The following DBH variants were observed in gnomAD, a reference collection of about 807,000 sequenced individuals.
DBH encodes dopamine beta-hydroxylase.
A neutral mutation model predicts 64.0 loss-of-function variants in DBH; 49 were observed. The ratio of observed to expected loss-of-function variants is 0.77; its 90% CI spans 0.61 to 0.97. DBH has a LOEUF of 0.97. Ranked by LOEUF, DBH falls within the 50% of genes least tolerant of loss-of-function variation. The pLI is 0.00. For synonymous variants in DBH, 343 were observed against 347.1 expected, an observed-to-expected ratio of 0.99 and a Z score of 0.13; for missense variants, 828 against 826.6, an observed-to-expected ratio of 1.00 and a Z score of -0.02.
Position 133,636,588 on chromosome 9 carries a change from C to A in DBH, c.217C>A (p.His73Asn). ...WNVSYTQEAI[H>N]FQLLVRRLKA... is the part of the protein sequence containing the mutation. ...TGTCAGCTACACCCAGGAGGCCATC[C>A]ATTTCCAGCTCCTGGTGCGGAGGCT... The change falls in exon 1 of 12, where the codon CAT (histidine) becomes AAT (asparagine). Residue 73 changes from histidine to asparagine, a missense_variant. Coordinates refer to ENST00000393056, the MANE Select transcript of DBH (RefSeq NM_000787.4). The A allele has an allele frequency of 1.2e-6, 2 of 1,613,816 alleles. No homozygotes were observed. Among genetic ancestry groups the A allele is most frequent in the Non-Finnish European group, 1.7e-6 (2 of 1,180,018 alleles).
intron 5 of DBH, among the ~76,000 whole-genome samples, chr9:133,645,581 A>G (rs1307430019): frequency 6.6e-6 from 1 of 152,068 alleles, no homozygotes; most frequent in Non-Finnish European, 1.5e-5. Flanking sequence ...CAATTGCAAC[A>G]CCCTTTTTAT....
In DBH at chr9:133,643,281, A is replaced by G. The variant is rs1832138704; in HGVS notation, c.745-132A>G. On this transcript the variant is annotated intron_variant, in intron 3 of 11. Coordinates refer to ENST00000393056, the MANE Select transcript of DBH (RefSeq NM_000787.4). This position sits in a 1 kb window ranked among gnomAD's most constrained non-coding sequence, Gnocchi z 5.3. ...CCACCCTCAAGGCTGTGAACCCCAG[A>G]AGTGCCCCTGAAATTGTCTGGATCA... The G allele has an allele frequency of 1.1e-6, 1 of 933,362 alleles. No individual in the cohort carries two copies. The highest frequency in any genetic ancestry group is 1.7e-6 in the Non-Finnish European group (1 of 593,112). The allele number at this position is 933,362 out of a possible 1,614,324, so 57.8% of individuals were successfully genotyped here. A position where few individuals can be genotyped will look rare whatever the true frequency, so the allele number is the denominator to read the frequency against.
In DBH at chr9:133,636,587, C is replaced by T. The variant is rs1428258733; in HGVS notation, c.216C>T (p.Ile72=). 6.2e-7 allele frequency: 1 copy of T among 1,613,786 alleles called. No individual in the cohort carries two copies. The highest frequency in any genetic ancestry group is 1.7e-5 in the Admixed American group (1 of 60,024). The part of the protein sequence containing the change: ...SWNVSYTQEA[I]HFQLLVRRLK... The stretch of plus-strand genomic sequence containing the variant: ...ATGTCAGCTACACCCAGGAGGCCAT[C>T]CATTTCCAGCTCCTGGTGCGGAGGC... Residue 72 remains isoleucine (I), a synonymous_variant, in exon 1 of 12, where the codon ATC becomes ATT. Coordinates refer to ENST00000393056, the MANE Select transcript of DBH (RefSeq NM_000787.4).
At chr9:133,647,617 T>C (rs550988870) in intron 5 of DBH, among the ~76,000 whole-genome samples, 2 of 152,306 alleles carry the variant, frequency 1.3e-5, no homozygotes, top group African/African-American at 4.8e-5. Flanking sequence ...TTCTTCCCAG[T>C]GAGTGTAGCC....
At chr9:133,656,136 A>C in intron 9 of DBH, 2 of 336,956 alleles carry the variant, frequency 5.9e-6, no homozygotes, top group Non-Finnish European at 1.2e-5. Flanking sequence ...CAGCTTCCAG[A>C]CAATGGCCGG....
intron 7 of DBH, 44 bp downstream of exon 7, chr9:133,651,821 C>T: frequency 6.6e-7 from 1 of 1,508,448 alleles, no homozygotes; most frequent in Non-Finnish European, 9.0e-7. Flanking sequence ...CACACCCTGC[C>T]ACCACACGAC....
At chr9:133,642,512 C>G in intron 3 of DBH, 48 bp downstream of exon 3, 2 of 1,559,954 alleles carry the variant, frequency 1.3e-6, no homozygotes, top group Non-Finnish European at 1.7e-6. Flanking sequence ...CTGCCTTCCT[C>G]CCGGGCCTGG....
At position 133,647,722 on chromosome 9, in the gene DBH, T is replaced by A; in HGVS notation, c.1025-124T>A. ...GGTCTGCCTAGCAGGTGGGAGCAGA[T>A]GGGGGGTGACCGGCCCTGCCTCCTG... On this transcript the variant is annotated intron_variant, in intron 5 of 11. Coordinates refer to ENST00000393056, the MANE Select transcript of DBH (RefSeq NM_000787.4). 3.4e-6 allele frequency: 4 copies of A among 1,181,926 alleles called. No homozygotes were observed. In the Admixed American group the frequency reaches 5.9e-5, roughly 17 times the overall value. The allele number at this position is 1,181,926 out of a possible 1,614,324, so 73.2% of individuals were successfully genotyped here. A position where few individuals can be genotyped will look rare whatever the true frequency, so the allele number is the denominator to read the frequency against.
rs377618107 is a variant in DBH at position 133,645,348 on chromosome 9, C to G, written c.1024+1028C>G. On this transcript the variant is annotated intron_variant, in intron 5 of 11. Coordinates refer to ENST00000393056, the MANE Select transcript of DBH (RefSeq NM_000787.4). ...AGTCAGCTTGGGCCTTAGCATGACACGGGATTTATTGCTCATTTAAACCCT... is the reference window on the plus strand; with the variant it reads ...AGTCAGCTTGGGCCTTAGCATGACAGGGGATTTATTGCTCATTTAAACCCT... Among the ~76,000 whole-genome samples, 255 of 152,114 alleles carry G rather than the reference C, an allele frequency of 1.7e-3. 1 individual carries two copies. The highest frequency in any genetic ancestry group is 5.9e-3 in the African/African-American group (246 of 41,452).
intron 5 of DBH, among the ~76,000 whole-genome samples, chr9:133,644,957 GCACA>G (rs749012552): frequency 0.42 from 62,617 of 150,190 alleles, 13,240 homozygotes; most frequent in Non-Finnish European, 0.45. Context: ...ACACACACAC[GCACA>G]CACACATGCA....
In DBH at chr9:133,651,627, C is replaced by G. The variant is rs1389930869; in HGVS notation, c.1192-7C>G. 3 of 1,613,346 alleles carry G rather than the reference C, an allele frequency of 1.9e-6. No homozygotes were observed. The South Asian group carries it at 3.3e-5, about 18-fold the overall frequency. On this transcript the variant is annotated splice_region_variant and splice_polypyrimidine_tract_variant and intron_variant, in intron 6 of 11. Coordinates refer to ENST00000393056, the MANE Select transcript of DBH (RefSeq NM_000787.4). Reference sequence around the variant, plus strand: ...GGCCCTGACACTGCAGCCCCCCGACCCCACAGGCACTGCCTCCCTCCGGGA... The same window carrying G: ...GGCCCTGACACTGCAGCCCCCCGACGCCACAGGCACTGCCTCCCTCCGGGA...
intron 9 of DBH, among the ~76,000 whole-genome samples, chr9:133,654,084 C>T (rs1832283276): frequency 6.6e-6 from 1 of 150,386 alleles, no homozygotes; most frequent in Admixed American, 6.6e-5. Context: ...TTACTGAGCC[C>T]AGACTGCCAG....
rs573655375 is a variant in DBH at position 133,641,255 on chromosome 9, A to G, written c.487-952A>G. Among the ~76,000 whole-genome samples the G allele has an allele frequency of 2.0e-5, 3 of 152,288 alleles. No individual in the cohort carries two copies. In the East Asian group the frequency reaches 5.8e-4, roughly 29 times the overall value. On this transcript the variant is annotated intron_variant, in intron 2 of 11. Coordinates refer to ENST00000393056, the MANE Select transcript of DBH (RefSeq NM_000787.4). ...ACTAAGGCCCGGAGACGGGGAGTGG[A>G]TGTACCCAGGGGTTCGGGGTGTGCT...
At chr9:133,654,164 T>C (rs893690198) in intron 9 of DBH, among the ~76,000 whole-genome samples, 1 of 151,962 alleles carries the variant, frequency 6.6e-6, no homozygotes, top group African/African-American at 2.4e-5. Context: ...ACCCAGGCTG[T>C]GTGTTCTCAG....
rs61473598 is a variant in DBH, at chr9:133,654,123, A to T, written c.1434+1124A>T. 8.3e-3 allele frequency among the ~76,000 whole-genome samples: 747 copies of T among 89,862 alleles called. 2 individuals are homozygous for T. Among genetic ancestry groups the T allele is most frequent in the African/African-American group, 0.028 (724 of 25,730 alleles). The allele number at this position is 89,862 out of a possible 152,430, so 59.0% of individuals were successfully genotyped here. A position where few individuals can be genotyped will look rare whatever the true frequency, so the allele number is the denominator to read the frequency against. The stretch of plus-strand genomic sequence containing the variant: ...TTTATTTTATTTTATTTTATATTTT[A>T]TTTTTTTTTGAGACGGAGTCTCGCT... On this transcript the variant is annotated intron_variant, in intron 9 of 11. Coordinates refer to ENST00000393056, the MANE Select transcript of DBH (RefSeq NM_000787.4).
At chr9:133,639,403 C>T (rs1228451162) in intron 1 of DBH, among the ~76,000 whole-genome samples, 1 of 152,182 alleles carries the variant, frequency 6.6e-6, no homozygotes, top group Non-Finnish European at 1.5e-5. Flanking sequence ...CCAACTCTCC[C>T]CTTTCTGAGG....
At position 133,639,053 on chromosome 9, in the gene DBH, G is replaced by A. The variant is rs1832084108; in HGVS notation, c.340-793G>A. ...CCTCAGTTTACCTTCTCCAAGCAGG[G>A]CTGGGACTAAGGTGAGGGGAACAAT... On this transcript the variant is annotated intron_variant, in intron 1 of 11. Transcript: ENST00000393056. 2.0e-5 allele frequency among the ~76,000 whole-genome samples: 3 copies of A among 152,046 alleles called. No individual in the cohort carries two copies. The South Asian group carries it at 6.2e-4, about 32-fold the overall frequency.
rs981153162 is a variant in DBH, at chr9:133,652,855, G to T, written c.1375-85G>T. 5.5e-6 allele frequency: 5 copies of T among 907,298 alleles called. No homozygotes were observed. In the South Asian group the frequency reaches 6.5e-5, roughly 12 times the overall value. The allele number at this position is 907,298 out of a possible 1,614,324, so 56.2% of individuals were successfully genotyped here. ...CCCCAGAGGTGCCGTGGCATGCACAGTGGCGTGGTCCTATGGGGGCGAGGC... is the reference window on the plus strand; with the variant it reads ...CCCCAGAGGTGCCGTGGCATGCACATTGGCGTGGTCCTATGGGGGCGAGGC... On this transcript the variant is annotated intron_variant, in intron 8 of 11. Coordinates refer to ENST00000393056, the MANE Select transcript of DBH (RefSeq NM_000787.4).
chr9:133,644,452 G>T, intron 5 of DBH, 132 bp downstream of exon 5: 1 of 773,266 alleles, frequency 1.3e-6, no homozygotes, highest in South Asian at 1.5e-5. Flanking sequence ...CGAGGCCCTT[G>T]CGTCTGCCTC....
Sources: allele counts gnomAD v4.1 joint callset (sites outside exome capture counted in the v4.1 genomes callset), GRCh38; gene constraint gnomAD v4.1.1; non-coding constraint Gnocchi (gnomAD v3.1); transcripts MANE v1.5; gene names NCBI Gene and HGNC (gene_info 2026-07-23, HGNC 2026-07-21).